Variants in GNA14 observed in about 807,000 individuals in gnomAD.
GNA14 encodes the protein guanine nucleotide-binding protein subunit alpha-14.
A neutral mutation model predicts 42.0 loss-of-function variants in GNA14; 50 were observed. That is an observed-to-expected ratio of 1.19 (90% CI 0.95 to 1.51). The LOEUF is 1.51. Among genes scored for constraint, GNA14 ranks in the 40% most tolerant of loss-of-function variants. The pLI is 0.00. For synonymous variants in GNA14, 173 were observed against 163.1 expected (o/e 1.06, Z -0.46); for missense variants, 473 against 446.2 (o/e 1.06, Z -0.54).
chr9:77,543,752 C>T lies in GNA14; in HGVS notation c.125-14499G>A, dbSNP rs142272328. Among the ~76,000 whole-genome samples, 1,150 of 152,248 alleles carry T rather than the reference C, an allele frequency of 7.6e-3. 6 individuals are homozygous for T. Among genetic ancestry groups the T allele is most frequent in the Non-Finnish European group, 0.012 (797 of 68,006 alleles). ...CTCCTTCTTTGCTTTTGGTGCTTCC[C>T]GTCACTTCTCTGTTGAATGCCAGTG... On this transcript the variant is annotated intron_variant, in intron 1 of 6. Coordinates refer to ENST00000341700, the MANE Select transcript of GNA14 (RefSeq NM_004297.4).
chr9:77,492,291 A>G (rs1351892296), intron 2 of GNA14, among the ~76,000 whole-genome samples: 2 of 151,738 alleles, frequency 1.3e-5, no homozygotes, highest in African/African-American at 2.4e-5. Context: ...GAAAGAAATA[A>G]TGGAGATCAG....
chr9:77,581,076 T>C (rs754446583), intron 1 of GNA14, among the ~76,000 whole-genome samples: 2 of 151,294 alleles, frequency 1.3e-5, no homozygotes, highest in Non-Finnish European at 2.9e-5. Flanking sequence ...TCAGTTTGAA[T>C]TATAAATGAC....
intron 2 of GNA14, among the ~76,000 whole-genome samples, chr9:77,437,370 C>A (rs371105478): frequency 3.9e-5 from 6 of 152,128 alleles, no homozygotes; most frequent in Admixed American, 2.0e-4. Flanking sequence ...CATGGTGAAA[C>A]CCTGTCTCTA....
chr9:77,582,627 C>T (rs1823242644), intron 1 of GNA14, among the ~76,000 whole-genome samples: 1 of 152,208 alleles, frequency 6.6e-6, no homozygotes, highest in Non-Finnish European at 1.5e-5. Flanking sequence ...TTTTCAAACA[C>T]AACCCCCTTC....
In GNA14 at chr9:77,428,893, C is replaced by T. The variant is rs774447613; in HGVS notation, c.723+14G>A. On this transcript the variant is annotated intron_variant, in intron 5 of 6. Coordinates refer to ENST00000341700, the MANE Select transcript of GNA14 (RefSeq NM_004297.4). ...CTGGCTTCCACAGCTACCCAAACTT[C>T]CCGCCCAGCATACCTCGTTGTCACA... is the stretch of plus-strand genomic sequence containing the variant. 3.1e-6 allele frequency: 5 copies of T among 1,611,996 alleles called. 1 individual carries two copies. In the South Asian group the frequency reaches 5.5e-5, roughly 18 times the overall value.
chr9:77,437,560 G>C (rs1587760203), intron 2 of GNA14, among the ~76,000 whole-genome samples: 1 of 149,054 alleles, frequency 6.7e-6, no homozygotes, highest in African/African-American at 2.5e-5. Context: ...AAGAGAGAGA[G>C]AAAGAGAGAG....
chr9:77,647,551 A>AG, intron 1 of GNA14, 119 bp downstream of exon 1: 1 of 1,141,530 alleles, frequency 8.8e-7, no homozygotes, highest in South Asian at 1.7e-5. Flanking sequence ...GAGGGGGAGA[A>AG]GGACGAAGCC....
chr9:77,443,661 C>T (rs10781437), intron 2 of GNA14, among the ~76,000 whole-genome samples: 3 of 152,012 alleles, frequency 2.0e-5, no homozygotes, highest in South Asian at 2.1e-4. Flanking sequence ...GGGCCAAGTT[C>T]GTTACTTTAT....
chr9:77,550,710 A>G (rs1027617682), intron 1 of GNA14, among the ~76,000 whole-genome samples: 6 of 152,222 alleles, frequency 3.9e-5, no homozygotes, highest in African/African-American at 4.8e-5. Context: ...TAATCCAACC[A>G]TTGTTTACAC....
At position 77,425,877 on chromosome 9, in the gene GNA14, C is replaced by T. The variant is rs930216987; in HGVS notation, c.724-162G>A. On this transcript the variant is annotated intron_variant, in intron 5 of 6. Coordinates refer to ENST00000341700, the MANE Select transcript of GNA14 (RefSeq NM_004297.4). ...ATGTGGGGCCCCAGGCTACAGGCCTCCTGCTTCTGTTTGCCCCTCCCCAAG... is the reference window on the plus strand; with the variant it reads ...ATGTGGGGCCCCAGGCTACAGGCCTTCTGCTTCTGTTTGCCCCTCCCCAAG... Among the ~76,000 whole-genome samples, 3 of 152,208 alleles carry T rather than the reference C, an allele frequency of 2.0e-5. No homozygotes were observed. In the East Asian group the frequency reaches 5.8e-4, roughly 29 times the overall value.
chr9:77,644,407 T>C (rs1244388887), intron 1 of GNA14, among the ~76,000 whole-genome samples: 1 of 132,204 alleles, frequency 7.6e-6, no homozygotes, highest in Non-Finnish European at 1.5e-5. Flanking sequence ...AAGCCGTGAC[T>C]GTATTACTGA....
chr9:77,543,253 G>GC (rs1467195339), intron 1 of GNA14, among the ~76,000 whole-genome samples: 11 of 152,336 alleles, frequency 7.2e-5, no homozygotes, highest in Middle Eastern at 3.4e-3. Context: ...ACCAGGGAGG[G>GC]CAGGGTCATT....
chr9:77,472,635 T>C (rs1290064477), intron 2 of GNA14, among the ~76,000 whole-genome samples: 4 of 152,200 alleles, frequency 2.6e-5, no homozygotes, highest in Non-Finnish European at 5.9e-5. Flanking sequence ...ACTGTTATTG[T>C]GTCACCCTAA....
intron 2 of GNA14, among the ~76,000 whole-genome samples, chr9:77,436,261 G>T (rs1298178189): frequency 6.6e-6 from 1 of 152,110 alleles, no homozygotes; most frequent in African/African-American, 2.4e-5. Flanking sequence ...GCGCTGGCCT[G>T]GGAATCAGGA....
Position 77,458,793 on chromosome 9 carries a change from A to C in GNA14, c.310-24271T>G, listed in dbSNP as rs532273542. ...TAGCAGGGCTACATCCCGAGGGGAC[A>C]CAGCAGAAATCAGGGCCCATTTATT... On this transcript the variant is annotated intron_variant, in intron 2 of 6. Coordinates refer to ENST00000341700, the MANE Select transcript of GNA14 (RefSeq NM_004297.4). Among the ~76,000 whole-genome samples the C allele has an allele frequency of 2.0e-5, 3 of 152,208 alleles. No homozygotes were observed. The South Asian group carries it at 6.2e-4, about 32-fold the overall frequency.
intron 2 of GNA14, among the ~76,000 whole-genome samples, chr9:77,505,954 G>A (rs906739421): frequency 3.9e-5 from 6 of 152,046 alleles, no homozygotes; most frequent in African/African-American, 1.4e-4. Context: ...AAACTTTTTA[G>A]TAGCCATTAA....
rs796453031 is a variant in GNA14 at position 77,641,093 on chromosome 9, AGGGGGG to A, written c.124+6571_124+6576del. On this transcript the variant is annotated intron_variant, in intron 1 of 6. Transcript: ENST00000341700. ...AGGGGAGGGGAGGGGAGGGGAGGGG[AGGGGGG>A]GGAAGGAAGGAAGGAAGGAAGGAAG... Among the ~76,000 whole-genome samples, 35 of 8,204 alleles carry A rather than the reference AGGGGGG, an allele frequency of 4.3e-3. 7 individuals are homozygous for A. In the East Asian group the frequency reaches 0.15, roughly 35 times the overall value. 5.4% of individuals were successfully genotyped at this position (8,204 alleles called of 152,430 possible).
intron 2 of GNA14, among the ~76,000 whole-genome samples, chr9:77,466,761 C>T (rs755066067): frequency 3.9e-5 from 6 of 152,152 alleles, no homozygotes; most frequent in Non-Finnish European, 8.8e-5. Context: ...TTCCCTCCCT[C>T]TTCTCCCTCC....
Position 77,499,122 on chromosome 9 carries a change from G to A in GNA14, c.309+29947C>T, listed in dbSNP as rs534828347. Among the ~76,000 whole-genome samples, 41 of 152,234 alleles carry A rather than the reference G, an allele frequency of 2.7e-4. No individual in the cohort carries two copies. In the South Asian group the frequency reaches 3.5e-3, roughly 13 times the overall value. On this transcript the variant is annotated intron_variant, in intron 2 of 6. Coordinates refer to ENST00000341700, the MANE Select transcript of GNA14 (RefSeq NM_004297.4). ...CATTAGAAACGTAAGATGGTATTAA[G>A]GAAAGGCTAAGTAATTTAGCCATGT...
Sources: allele counts gnomAD v4.1 joint callset (sites outside exome capture counted in the v4.1 genomes callset), GRCh38; gene constraint gnomAD v4.1.1; transcripts MANE v1.5; gene names NCBI Gene and HGNC (gene_info 2026-07-23, HGNC 2026-07-21).